Variants in STARD13 observed in about 807,000 individuals in gnomAD.
STARD13 encodes StAR related lipid transfer domain containing 13.
STARD13 carries 62 observed loss-of-function variants against 106.4 expected under a neutral mutation model. The observed-to-expected ratio is 0.58, with a 90% CI of 0.48 to 0.72. STARD13 has a LOEUF of 0.72. Among genes scored for constraint, STARD13 ranks in the 30% least tolerant of loss-of-function variants. The pLI is 0.00. For missense variants in STARD13, 1,387 were observed against 1,424.0 expected (o/e 0.97, Z 0.42); for synonymous variants, 565 against 553.0 (o/e 1.02, Z -0.31).
chr13:33,401,905 G>T, the STARD13 span, among the ~76,000 whole-genome samples: 5 of 152,124 alleles, frequency 3.3e-5, no homozygotes, highest in South Asian at 6.2e-4. Flanking sequence ...AAGTATTTTT[G>T]AATCTTACTC....
At chr13:33,562,395 A>G in the STARD13 span, among the ~76,000 whole-genome samples, 1 of 146,502 alleles carries the variant, frequency 6.8e-6, no homozygotes, top group Non-Finnish European at 1.5e-5. Context: ...CCATTCCCCC[A>G]TGTTCAATGT....
At chr13:33,164,332 T>G (rs1171340886) in intron 3 of STARD13, 1 of 152,248 alleles carries the variant, frequency 6.6e-6, no homozygotes, top group African/African-American at 2.4e-5. Context: ...CACTATTTAA[T>G]GTGCGTTGAT....
At chr13:33,473,949 T>TA in the STARD13 span, among the ~76,000 whole-genome samples, 2 of 152,284 alleles carry the variant, frequency 1.3e-5, no homozygotes, top group East Asian at 3.9e-4. Context: ...GCACCCCAAT[T>TA]GTTTGAGTTT....
intron 1 of STARD13, among the ~76,000 whole-genome samples, chr13:33,270,403 C>T (rs1891100378): frequency 6.6e-6 from 1 of 152,160 alleles, no homozygotes; most frequent in Non-Finnish European, 1.5e-5. Context: ...CACCTGTATG[C>T]AGGCAAGTTT....
the STARD13 span, among the ~76,000 whole-genome samples, chr13:33,627,877 A>C: frequency 3.9e-5 from 6 of 152,140 alleles, no homozygotes; most frequent in East Asian, 1.2e-3. Flanking sequence ...AGTGAGATGA[A>C]CATCGAAGCT....
intron 1 of STARD13, among the ~76,000 whole-genome samples, chr13:33,169,154 G>A (rs1883663514): frequency 6.6e-6 from 1 of 152,182 alleles, no homozygotes; most frequent in South Asian, 2.1e-4. Flanking sequence ...GAACCAAGCT[G>A]GAAAGAAAAG....
At chr13:33,538,893 C>T in the STARD13 span, among the ~76,000 whole-genome samples, 6 of 152,034 alleles carry the variant, frequency 3.9e-5, no homozygotes, top group African/African-American at 1.4e-4. Context: ...CCTCAGCCTC[C>T]TGAGTAGCTG....
At chr13:33,339,861 T>G (rs1455820209) in intron 1 of STARD13, among the ~76,000 whole-genome samples, 1 of 151,552 alleles carries the variant, frequency 6.6e-6, no homozygotes, top group African/African-American at 2.4e-5. Context: ...CCAAGGCAGG[T>G]GGATCACGAA....
chr13:33,519,025 C>G, the STARD13 span, among the ~76,000 whole-genome samples: 7 of 152,110 alleles, frequency 4.6e-5, no homozygotes, highest in East Asian at 1.2e-3. Context: ...TAGCAAGAAC[C>G]CTGCTAAGTC....
chr13:33,620,217 A>C, the STARD13 span, among the ~76,000 whole-genome samples: 11 of 152,194 alleles, frequency 7.2e-5, no homozygotes, highest in East Asian at 2.1e-3. Flanking sequence ...CTATCAACCC[A>C]CAAGACCTAA....
intron 8 of STARD13, chr13:33,117,676 ATTTCCTATATCCCAAAGAAATGCT>A: frequency 3.2e-6 from 3 of 944,938 alleles, no homozygotes; most frequent in Non-Finnish European, 3.8e-6. Context: ...GTCACTTTGA[ATTTCCTATATCCCAAAGAAATGCT>A]TACTTTTTTA....
At chr13:33,375,564 C>A in the STARD13 span, among the ~76,000 whole-genome samples, 1 of 152,098 alleles carries the variant, frequency 6.6e-6, no homozygotes, top group Non-Finnish European at 1.5e-5. Flanking sequence ...AACTTAGAAT[C>A]ATGGCAGAAG....
chr13:33,375,979 T>TG, the STARD13 span, among the ~76,000 whole-genome samples: 1 of 152,186 alleles, frequency 6.6e-6, no homozygotes, highest in African/African-American at 2.4e-5. Flanking sequence ...TTTGACCACA[T>TG]TACTTAATGT....
At chr13:33,518,582 C>T in the STARD13 span, among the ~76,000 whole-genome samples, 15 of 152,028 alleles carry the variant, frequency 9.9e-5, no homozygotes, top group African/African-American at 1.9e-4. Context: ...TATGGTCCTG[C>T]GGTCTTAACT....
chr13:33,643,766 C>T, the STARD13 span, among the ~76,000 whole-genome samples: 13 of 152,348 alleles, frequency 8.5e-5, no homozygotes, highest in South Asian at 1.7e-3. Context: ...TCACACTGCA[C>T]GCTTCTTAAA....
intron 1 of STARD13, among the ~76,000 whole-genome samples, chr13:33,173,669 G>C (rs768616982): frequency 6.6e-6 from 1 of 152,096 alleles, no homozygotes; most frequent in Non-Finnish European, 1.5e-5. Flanking sequence ...AAGTTACTAA[G>C]AGGAACTAAA....
chr13:33,295,063 A>G (rs1317346497), intron 1 of STARD13, among the ~76,000 whole-genome samples: 1 of 152,072 alleles, frequency 6.6e-6, no homozygotes, highest in African/African-American at 2.4e-5. Flanking sequence ...ATGGCCCACG[A>G]CTGTGGAGGA....
the STARD13 span, among the ~76,000 whole-genome samples, chr13:33,441,037 C>T: frequency 6.6e-6 from 1 of 151,990 alleles, no homozygotes; most frequent in Admixed American, 6.6e-5. Flanking sequence ...TCCTTGTCCA[C>T]ACACACATAC....
intron 4 of STARD13, among the ~76,000 whole-genome samples, chr13:33,136,034 T>A (rs577781692): frequency 3.4e-4 from 51 of 152,014 alleles, no homozygotes; most frequent in African/African-American, 1.2e-3. Context: ...AGGCAGGAGA[T>A]CGCTTGAACC....
Sources: allele counts gnomAD v4.1 joint callset (sites outside exome capture counted in the v4.1 genomes callset), GRCh38; gene constraint gnomAD v4.1.1; transcripts MANE v1.5; gene names NCBI Gene and HGNC (gene_info 2026-07-23, HGNC 2026-07-21).